Variants in SLC44A3 observed in about 807,000 individuals in gnomAD.
SLC44A3 encodes the protein choline transporter-like protein 3.
SLC44A3 carries 74 observed loss-of-function variants against 75.4 expected under a neutral mutation model. The ratio of observed to expected loss-of-function variants is 0.98; its 90% confidence interval spans 0.81 to 1.19. SLC44A3 has a LOEUF of 1.19. SLC44A3 is among the 50% of genes most tolerant of loss of function. The pLI is 0.00. For synonymous variants in SLC44A3, 310 were observed against 296.9 expected (o/e 1.04, Z -0.45); for missense variants, 700 against 778.6 (o/e 0.90, Z 1.20).
chr1:94,833,574 C>T (rs1225248399), intron 5 of SLC44A3, among the ~76,000 whole-genome samples: 1 of 152,166 alleles, frequency 6.6e-6, no homozygotes, highest in African/African-American at 2.4e-5. Context: ...CTGACAAATG[C>T]CCTGGGGGCT....
At position 94,863,493 on chromosome 1, in the gene SLC44A3, A is replaced by G. The variant is rs114069776; in HGVS notation, c.1239-1250A>G. 4.4e-3 allele frequency among the ~76,000 whole-genome samples: 666 copies of G among 152,244 alleles called. 6 individuals carry two copies. Among genetic ancestry groups the G allele is most frequent in the Non-Finnish European group, 4.2e-3 (286 of 68,024 alleles). Reference sequence around the variant, plus strand: ...CTCTTGAGCACCATAATAAGTTCTAAGGCACACAAATCTCCTCAATGGAAA... The same window carrying G: ...CTCTTGAGCACCATAATAAGTTCTAGGGCACACAAATCTCCTCAATGGAAA... On this transcript the variant is annotated intron_variant, in intron 10 of 14. Transcript: ENST00000271227.
At chr1:94,882,029 C>CA (rs969561204) in intron 12 of SLC44A3, among the ~76,000 whole-genome samples, 5 of 150,086 alleles carry the variant, frequency 3.3e-5, no homozygotes, top group African/African-American at 7.3e-5. Flanking sequence ...AAAAAAAAAA[C>CA]AAAAAAACAA....
intron 14 of SLC44A3, among the ~76,000 whole-genome samples, chr1:94,893,896 A>G (rs886861065): frequency 1.8e-4 from 28 of 151,750 alleles, no homozygotes; most frequent in Non-Finnish European, 3.7e-4. Context: ...GGAATTTGAG[A>G]CCAGCCTGGC....
chr1:94,843,873 C>T (rs999807205), intron 8 of SLC44A3, among the ~76,000 whole-genome samples: 7 of 5,362 alleles, frequency 1.3e-3, no homozygotes, highest in Admixed American at 4.4e-3. Context: ...TGAGGTGGGG[C>T]GGGGTGGGGG....
intron 9 of SLC44A3, among the ~76,000 whole-genome samples, chr1:94,854,964 C>G (rs1421191860): frequency 2.6e-5 from 4 of 151,950 alleles, no homozygotes; most frequent in African/African-American, 9.7e-5. Context: ...CTAAACAGCC[C>G]CAGGAACAAA....
chr1:94,840,015 A>G lies in SLC44A3; in HGVS notation c.738A>G (p.Ser246=). 1 of 1,613,580 alleles carries G rather than the reference A, an allele frequency of 6.2e-7. No homozygotes were observed. The highest frequency in any genetic ancestry group is 1.3e-5 in the African/African-American group (1 of 74,928). Residue 246 remains serine (S), a synonymous_variant, in exon 7 of 15, where the codon TCA becomes TCG. Coordinates refer to ENST00000271227, the MANE Select transcript of SLC44A3 (RefSeq NM_001114106.3). ...CCCTTCTGGTTCACATTTTCATTTC[A>G]TTGGTTATTTTGGGATTGTTGTGTA... ...ITTLLVHIFI[S]LVILGLLFVC...
chr1:94,829,653 G>T (rs1257233592), intron 5 of SLC44A3, among the ~76,000 whole-genome samples: 4 of 152,204 alleles, frequency 2.6e-5, no homozygotes, highest in Admixed American at 6.5e-5. Flanking sequence ...CCATTATGAT[G>T]CTGAGATGTA....
chr1:94,842,094 G>A lies in SLC44A3; in HGVS notation c.855G>A (p.Leu285=), dbSNP rs767612769. 2.6e-5 allele frequency: 42 copies of A among 1,612,676 alleles called. No individual in the cohort carries two copies. In the Admixed American group the frequency reaches 4.5e-4, roughly 17 times the overall value. The part of the protein sequence containing the change: ...DTERENMKCV[L]GFAIVSTGIT... Reference sequence around the variant, plus strand: ...AAAGGGAAAATATGAAGTGCGTGCTGGGGTTTGCTATCGTATCCACAGGCA... The same window carrying A: ...AAAGGGAAAATATGAAGTGCGTGCTAGGGTTTGCTATCGTATCCACAGGCA... The change falls in exon 8 of 15, where the codon CTG becomes CTA. Residue 285 remains leucine (L), a synonymous_variant. Coordinates refer to ENST00000271227, the MANE Select transcript of SLC44A3 (RefSeq NM_001114106.3).
At chr1:94,859,243 A>G (rs550340385) in intron 10 of SLC44A3, among the ~76,000 whole-genome samples, 1 of 152,296 alleles carries the variant, frequency 6.6e-6, no homozygotes, top group Non-Finnish European at 1.5e-5. Context: ...TTCAATGAGG[A>G]CTTCTAATTT....
intron 1 of SLC44A3, 111 bp downstream of exon 1, chr1:94,820,589 G>T (rs1183743732): frequency 2.8e-6 from 4 of 1,425,550 alleles, no homozygotes; most frequent in Non-Finnish European, 3.7e-6. Context: ...GCGCCTCGGG[G>T]ATCCCGCCCC....
At chr1:94,825,535 T>C (rs921850355) in intron 3 of SLC44A3, among the ~76,000 whole-genome samples, 2 of 152,082 alleles carry the variant, frequency 1.3e-5, no homozygotes, top group African/African-American at 4.8e-5. Context: ...TTCACTGTGT[T>C]AGCCAGGATG....
intron 12 of SLC44A3, among the ~76,000 whole-genome samples, chr1:94,887,520 C>A (rs1313374382): frequency 6.6e-6 from 1 of 152,186 alleles, no homozygotes; most frequent in African/African-American, 2.4e-5. Context: ...GGCCCCAAAA[C>A]TCTTTGGAGT....
intron 12 of SLC44A3, among the ~76,000 whole-genome samples, chr1:94,885,715 T>C (rs1669513622): frequency 6.6e-6 from 1 of 152,234 alleles, no homozygotes; most frequent in South Asian, 2.1e-4. Context: ...TACCTCTCTG[T>C]GCTTTAGTTT....
chr1:94,845,168 T>G (rs938154416), intron 8 of SLC44A3, 110 bp from the exon 9 acceptor site: 19 of 1,156,842 alleles, frequency 1.6e-5, no homozygotes, highest in Non-Finnish European at 2.3e-5. Context: ...TGAGTAACTA[T>G]CTTAAAAGAG....
At chr1:94,871,307 A>G (rs920687095) in intron 12 of SLC44A3, among the ~76,000 whole-genome samples, 4 of 152,256 alleles carry the variant, frequency 2.6e-5, no homozygotes, top group African/African-American at 9.6e-5. Context: ...TTATCCATCC[A>G]GAAAAGGCTG....
At chr1:94,885,386 G>C (rs1483649725) in intron 12 of SLC44A3, among the ~76,000 whole-genome samples, 1 of 152,116 alleles carries the variant, frequency 6.6e-6, no homozygotes, top group Non-Finnish European at 1.5e-5. Flanking sequence ...GGAGTTGGTG[G>C]AAGTCTTTTC....
chr1:94,890,798 G>T (rs1218832891), intron 12 of SLC44A3, among the ~76,000 whole-genome samples: 2 of 152,210 alleles, frequency 1.3e-5, no homozygotes, highest in Non-Finnish European at 2.9e-5. Flanking sequence ...AGTGAGCCAA[G>T]ATGGCACCAC....
intron 10 of SLC44A3, among the ~76,000 whole-genome samples, chr1:94,858,547 G>T (rs1269532653): frequency 6.6e-6 from 1 of 152,168 alleles, no homozygotes; most frequent in East Asian, 1.9e-4. Context: ...TCTTCATAGG[G>T]CTGATCCTCC....
chr1:94,863,327 G>GA (rs994856873), intron 10 of SLC44A3, among the ~76,000 whole-genome samples: 14 of 152,154 alleles, frequency 9.2e-5, no homozygotes, highest in African/African-American at 3.4e-4. Context: ...CCATCACAGT[G>GA]AAACCTCAGA....
Sources: allele counts gnomAD v4.1 joint callset (sites outside exome capture counted in the v4.1 genomes callset), GRCh38; gene constraint gnomAD v4.1.1; transcripts MANE v1.5; gene names NCBI Gene and HGNC (gene_info 2026-07-23, HGNC 2026-07-21).